The following ECPAS variants were observed in gnomAD, a reference collection of about 807,000 sequenced individuals.
ECPAS encodes the protein Ecm29 proteasome adaptor and scaffold, also known as proteasome adapter and scaffold protein ECM29.
ECPAS carries 70 observed loss-of-function variants against 255.1 expected under a neutral mutation model. That is an observed-to-expected ratio of 0.27 (90% confidence interval 0.23 to 0.33). ECPAS has a LOEUF of 0.33. ECPAS is among the 10% of genes least tolerant of loss of function. The pLI is 1.00. For synonymous variants in ECPAS, 784 were observed against 775.0 expected (o/e 1.01, Z -0.19); for missense variants, 1,817 against 2,206.4 (o/e 0.82, Z 3.54).
chr9:111,459,434 A>G (rs1441323764), intron 2 of ECPAS, among the ~76,000 whole-genome samples: 1 of 152,276 alleles, frequency 6.6e-6, no homozygotes, highest in South Asian at 2.1e-4. Flanking sequence ...TACTACAAAA[A>G]TAAGTATTTT....
chr9:111,413,816 C>A (rs115906361), intron 20 of ECPAS, 79 bp downstream of exon 20: 1 of 865,908 alleles, frequency 1.2e-6, no homozygotes, highest in Admixed American at 2.7e-5. Context: ...CATAGGGATC[C>A]CGCTGGCAGG....
intron 24 of ECPAS, among the ~76,000 whole-genome samples, chr9:111,403,061 A>C (rs1003985001): frequency 6.6e-6 from 1 of 152,054 alleles, no homozygotes; most frequent in Admixed American, 6.6e-5. Flanking sequence ...GCCTACAAGA[A>C]ATTCACTTTG....
In ECPAS at chr9:111,483,310, T is replaced by C. The variant is rs1456076394; in HGVS notation, c.-83+806A>G. On this transcript the variant is annotated intron_variant, in intron 1 of 49. Coordinates refer to ENST00000684092, the MANE Select transcript of ECPAS (RefSeq NM_001364929.1). ...ATTTCGCAACGTGACGGTGCAAACC[T>C]GAGGCCTACAAACGCCAGCGGCGAC... Among the ~76,000 whole-genome samples the C allele has an allele frequency of 2.6e-5, 4 of 151,848 alleles. No homozygotes were observed. The East Asian group carries it at 7.8e-4, about 30-fold the overall frequency.
intron 2 of ECPAS, among the ~76,000 whole-genome samples, chr9:111,468,539 G>A (rs1300444147): frequency 6.6e-6 from 1 of 151,970 alleles, no homozygotes; most frequent in Non-Finnish European, 1.5e-5. Flanking sequence ...TGAAGAGGAA[G>A]GGGTGAACCA....
At chr9:111,392,418 G>A (rs2098161519) in intron 28 of ECPAS, among the ~76,000 whole-genome samples, 1 of 152,180 alleles carries the variant, frequency 6.6e-6, no homozygotes, top group South Asian at 2.1e-4. Context: ...CCCTTACACA[G>A]ATGATTTCCC....
At chr9:111,411,797 C>CAGG (rs2098194908) in intron 21 of ECPAS, 1 of 444,528 alleles carries the variant, frequency 2.2e-6, no homozygotes, top group Non-Finnish European at 3.9e-6. Context: ...CACTGTACTC[C>CAGG]TAGCACCTAA....
chr9:111,420,908 C>T (rs1040808444), intron 15 of ECPAS, among the ~76,000 whole-genome samples: 2 of 152,124 alleles, frequency 1.3e-5, no homozygotes, highest in East Asian at 3.9e-4. Context: ...AGTTTGGTTG[C>T]TTTAAATGTT....
intron 46 of ECPAS, among the ~76,000 whole-genome samples, chr9:111,368,261 G>A (rs564392176): frequency 6.6e-6 from 1 of 152,170 alleles, no homozygotes; most frequent in South Asian, 2.1e-4. Context: ...TTAATCTTTG[G>A]GAAATACATG....
At position 111,416,290 on chromosome 9, in the gene ECPAS, G is replaced by A; in HGVS notation, c.1746C>T (p.Asn582=). The change falls in exon 18 of 50, where the codon AAC becomes AAT. Residue 582 remains asparagine (N), a synonymous_variant. Transcript: ENST00000684092. ...GTTCTACCTCTCCAAAGGCTGCTGG[G>A]TTAAATGGAAGGACAGTGGTCCCGG... ...YMTGTTVLPF[N]PAAFGEIVLY... 6.2e-7 allele frequency: 1 copy of A among 1,613,232 alleles called. No individual in the cohort carries two copies. The highest frequency in any genetic ancestry group is 1.1e-5 in the South Asian group (1 of 91,076).
Position 111,362,182 on chromosome 9 carries a change from A to G in ECPAS, c.5381-13T>C, listed in dbSNP as rs769618818. On this transcript the variant is annotated splice_polypyrimidine_tract_variant and intron_variant, in intron 49 of 49. Coordinates refer to ENST00000684092, the MANE Select transcript of ECPAS (RefSeq NM_001364929.1). The stretch of plus-strand genomic sequence containing the variant: ...CACTGTTTAGATTCTGCATGAAAAA[A>G]AAAAAACAAAAACAAAAAAAACAAA... 2 of 1,548,376 alleles carry G rather than the reference A, an allele frequency of 1.3e-6. No individual in the cohort carries two copies. Among genetic ancestry groups the G allele is most frequent in the Non-Finnish European group, 1.7e-6 (2 of 1,156,740 alleles).
chr9:111,410,114 C>A lies in ECPAS; in HGVS notation c.2477G>T (p.Gly826Val). The part of the protein sequence containing the change: ...RNGPLPIPSE[G>V]SGFTKLHLVE... ...AAGATGCAATTTGGTAAAGCCAGAT[C>A]CCTCACTGGGGATTGGAAGTGGACC... Residue 826 changes from glycine (G) to valine (V), a missense_variant, in exon 23 of 50, where the codon GGA becomes GTA. Around this residue, in one of 4 missense-constraint regions of ECPAS, gnomAD observed 194 missense variants for 152.8 expected, o/e 1.27. Transcript: ENST00000684092. 1.9e-6 allele frequency: 3 copies of A among 1,607,358 alleles called. No homozygotes were observed. The highest frequency in any genetic ancestry group is 2.5e-6 in the Non-Finnish European group (3 of 1,176,914).
chr9:111,377,906 G>A (rs2098135328), intron 36 of ECPAS, among the ~76,000 whole-genome samples: 1 of 152,158 alleles, frequency 6.6e-6, no homozygotes, highest in Non-Finnish European at 1.5e-5. Context: ...CAGCACTTTG[G>A]GAGGCTGAGG....
At chr9:111,372,650 T>C in intron 41 of ECPAS, 30 bp from the exon 42 acceptor site, 1 of 1,546,048 alleles carries the variant, frequency 6.5e-7, no homozygotes, top group Non-Finnish European at 8.8e-7. Context: ...ATCTTTACGA[T>C]ATTTATTGTT....
intron 2 of ECPAS, among the ~76,000 whole-genome samples, chr9:111,465,021 T>C (rs2098277731): frequency 6.6e-6 from 1 of 151,000 alleles, no homozygotes; most frequent in Non-Finnish European, 1.5e-5. Context: ...CCGTCTCTAC[T>C]AAAAATACAA....
At chr9:111,418,103 G>T in intron 16 of ECPAS, 97 bp from the exon 17 acceptor site, 1 of 1,137,292 alleles carries the variant, frequency 8.8e-7, no homozygotes, top group Non-Finnish European at 1.2e-6. Context: ...GGCAGCTAGA[G>T]TTCTCAGAAA....
chr9:111,463,426 C>A lies in ECPAS; in HGVS notation c.22+9471G>T, dbSNP rs74586264. Among the ~76,000 whole-genome samples, 146 of 152,284 alleles carry A rather than the reference C, an allele frequency of 9.6e-4. 4 individuals carry two copies. In the East Asian group the frequency reaches 0.025, roughly 26 times the overall value. On this transcript the variant is annotated intron_variant, in intron 2 of 49. Coordinates refer to ENST00000684092, the MANE Select transcript of ECPAS (RefSeq NM_001364929.1). ...AGATGGGAAGCCCCCAACAGTCAAA[C>A]ATTCTCTACAGAAAACAGAGTGCTT... is the stretch of plus-strand genomic sequence containing the variant.
chr9:111,372,714 C>A (rs2098128916), intron 41 of ECPAS, 94 bp from the exon 42 acceptor site: 1 of 948,254 alleles, frequency 1.1e-6, no homozygotes, highest in Admixed American at 2.8e-5. Flanking sequence ...AATAGCAAAA[C>A]AAACAGGTAA....
At chr9:111,377,838 T>TG (rs1208183503) in intron 36 of ECPAS, among the ~76,000 whole-genome samples, 2 of 152,200 alleles carry the variant, frequency 1.3e-5, no homozygotes, top group African/African-American at 2.4e-5. Context: ...ATGTTTCATC[T>TG]GAAGTTTTAA....
At chr9:111,442,235 T>C (rs1382486883) in intron 5 of ECPAS, 71 bp downstream of exon 5, 3 of 994,966 alleles carry the variant, frequency 3.0e-6, no homozygotes, top group Non-Finnish European at 4.5e-6. Flanking sequence ...AAACCAAATA[T>C]GTGAATTAAT....
Sources: gnomAD v4.1 joint callset for allele counts (sites outside exome capture counted in the v4.1 genomes callset) on GRCh38, gnomAD v4.1.1 for gene constraint, gnomAD v4.1.1 regional missense constraint, MANE v1.5 for transcripts, NCBI Gene and HGNC (gene_info 2026-07-23, HGNC 2026-07-21) for gene names.